The following SEMA4D variants were observed in gnomAD, a reference collection of about 807,000 sequenced individuals.
SEMA4D encodes the protein semaphorin 4D.
In SEMA4D, 22 loss-of-function variants were observed where a neutral mutation model predicts 74.8. The ratio of observed to expected loss-of-function variants is 0.29; its 90% CI spans 0.21 to 0.42. SEMA4D has a LOEUF of 0.42. SEMA4D is among the 10% of genes least tolerant of loss of function. The pLI, the probability that SEMA4D is intolerant of heterozygous loss-of-function variation, is 1.00. For synonymous variants in SEMA4D, 445 were observed against 463.7 expected (o/e 0.96, Z 0.52); for missense variants, 937 against 1,118.4 (o/e 0.84, Z 2.31).
chr9:89,398,792 T>C (rs1319127907), intron 5 of SEMA4D, among the ~76,000 whole-genome samples: 2 of 152,200 alleles, frequency 1.3e-5, no homozygotes, highest in East Asian at 1.9e-4. Flanking sequence ...TGCTCACTCA[T>C]GTGCTCCCTC....
At chr9:89,485,889 C>T (rs4405007) in intron 1 of SEMA4D, among the ~76,000 whole-genome samples, 38,593 of 151,232 alleles carry the variant, frequency 0.26, 5,097 homozygotes, top group Middle Eastern at 0.36. Flanking sequence ...TATAGAGCAT[C>T]GAATCACAAC....
At position 89,387,655 on chromosome 9, in the gene SEMA4D, G is replaced by A. The variant is rs188940458; in HGVS notation, c.1108-47C>T. 1.2e-4 allele frequency: 181 copies of A among 1,559,726 alleles called. 1 individual carries two copies. In the African/African-American group the frequency reaches 1.8e-3, roughly 16 times the overall value. ...TGTTAACGTGCTCGTGTCCCACCAC[G>A]CAACGGGTGCTTCCACACAAGCAGC... On this transcript the variant is annotated intron_variant, in intron 11 of 15. Coordinates refer to ENST00000422704, the MANE Select transcript of SEMA4D (RefSeq NM_001371194.2).
chr9:89,497,746 C>T (rs1378577429), intron 1 of SEMA4D, among the ~76,000 whole-genome samples, 173 bp downstream of exon 1: 3 of 151,070 alleles, frequency 2.0e-5, no homozygotes, highest in Admixed American at 2.0e-4. Context: ...GGAAGGAGTC[C>T]AGGGGTCCGG....
intron 2 of SEMA4D, among the ~76,000 whole-genome samples, chr9:89,444,108 A>G (rs1424843409): frequency 6.6e-6 from 1 of 152,184 alleles, no homozygotes; most frequent in Non-Finnish European, 1.5e-5. Context: ...CCTGCTTTAC[A>G]TTTATTGTCC....
intron 1 of SEMA4D, among the ~76,000 whole-genome samples, chr9:89,464,858 G>A (rs1378856029): frequency 4.6e-5 from 7 of 152,334 alleles, no homozygotes; most frequent in Non-Finnish European, 8.8e-5. Flanking sequence ...CACCCCCAGG[G>A]CGAGGGTCCT....
rs138165023 is a variant in SEMA4D, at chr9:89,364,231, C to T, written c.1883-281G>A. 809 of 535,408 alleles carry T rather than the reference C, an allele frequency of 1.5e-3. 4 individuals carry two copies. The highest frequency in any genetic ancestry group is 0.014 in the African/African-American group (735 of 52,566). The allele number at this position is 535,408 out of a possible 1,614,324, so 33.2% of individuals were successfully genotyped here. A position where few individuals can be genotyped will look rare whatever the true frequency, so the allele number is the denominator to read the frequency against. On this transcript the variant is annotated intron_variant, in intron 16 of 18. Coordinates refer to the SEMA4D transcript ENST00000339861. ...GTGTCCCCTAGGACCCCCTTTCTTG[C>T]AGCGCTGTGCTGGTTTCTTACAGAA...
intron 2 of SEMA4D, among the ~76,000 whole-genome samples, chr9:89,435,963 G>GC (rs546803340): frequency 1.7e-3 from 255 of 152,354 alleles, no homozygotes; most frequent in African/African-American, 5.8e-3. Context: ...AGCAGGGATA[G>GC]CCTAGGCCAA....
chr9:89,392,452 C>T lies in SEMA4D; in HGVS notation c.593G>A (p.Arg198Lys), dbSNP rs1840069350. 3 of 1,613,608 alleles carry T rather than the reference C, an allele frequency of 1.9e-6. No homozygotes were observed. The African/African-American group carries it at 4.0e-5, about 22-fold the overall frequency. The change falls in exon 8 of 16, where the codon AGG becomes AAG. Residue 198 changes from arginine (R) to lysine (K), a missense_variant. Coordinates refer to ENST00000422704, the MANE Select transcript of SEMA4D (RefSeq NM_001371194.2). ...CAGCCAAGGGATTGCATATTCTGTC[C>T]TCAGAGGACTGTGGGAAGAATTTCG... ...ISRNSSHSPL[R>K]TEYAIPWLNE... is the part of the protein sequence containing the mutation.
At chr9:89,423,432 C>T (rs1231349881) in intron 2 of SEMA4D, among the ~76,000 whole-genome samples, 1 of 152,108 alleles carries the variant, frequency 6.6e-6, no homozygotes, top group Non-Finnish European at 1.5e-5. Context: ...CTCGGTGATC[C>T]GTCCACCTCG....
At chr9:89,477,074 C>G (rs1390114236) in intron 1 of SEMA4D, among the ~76,000 whole-genome samples, 1 of 152,152 alleles carries the variant, frequency 6.6e-6, no homozygotes, top group Non-Finnish European at 1.5e-5. Flanking sequence ...AAAAATACAA[C>G]TAAGACTTCC....
chr9:89,386,740 C>T, intron 12 of SEMA4D: 1 of 386,002 alleles, frequency 2.6e-6, no homozygotes, highest in Non-Finnish European at 4.8e-6. Context: ...CCCCAAGAAT[C>T]CTCACCAACA....
intron 2 of SEMA4D, among the ~76,000 whole-genome samples, chr9:89,425,443 G>GTTC (rs1847896494): frequency 6.6e-6 from 1 of 152,240 alleles, no homozygotes; most frequent in South Asian, 2.1e-4. Context: ...GTTCTACTGG[G>GTTC]TTCTGCGAGG....
intron 2 of SEMA4D, among the ~76,000 whole-genome samples, chr9:89,448,709 G>A (rs1587971725): frequency 6.6e-6 from 1 of 152,350 alleles, no homozygotes; most frequent in South Asian, 2.1e-4. Flanking sequence ...TTCACTGGCG[G>A]GCATGACAGC....
chr9:89,437,790 G>T (rs1383163538), intron 2 of SEMA4D, among the ~76,000 whole-genome samples: 1 of 152,246 alleles, frequency 6.6e-6, no homozygotes, highest in Non-Finnish European at 1.5e-5. Flanking sequence ...GAACAAGACA[G>T]GGACACTGTA....
In SEMA4D at chr9:89,378,230, T is replaced by A. The variant is rs1836177438; in HGVS notation, c.*474A>T. 6.5e-6 allele frequency: 1 copy of A among 154,352 alleles called. No homozygotes were observed. Among genetic ancestry groups the A allele is most frequent in the African/African-American group, 2.4e-5 (1 of 41,332 alleles). The allele number at this position is 154,352 out of a possible 1,614,324, so 9.6% of individuals were successfully genotyped here. ...CAATCAAAGCAAAATCCTAAAAAAA[T>A]AATTAAGTGGAAGAAAAGGTTCGTG... On this transcript the variant is annotated 3_prime_UTR_variant, in exon 16 of 16. Coordinates refer to ENST00000422704, the MANE Select transcript of SEMA4D (RefSeq NM_001371194.2).
At position 89,397,545 on chromosome 9, in the gene SEMA4D, G is replaced by A. The variant is rs115904051; in HGVS notation, c.316-710C>T. 7.4e-3 allele frequency among the ~76,000 whole-genome samples: 1,134 copies of A among 152,282 alleles called. 15 individuals are homozygous for A. The highest frequency in any genetic ancestry group is 0.025 in the African/African-American group (1,038 of 41,544). On this transcript the variant is annotated intron_variant, in intron 5 of 15. Coordinates refer to ENST00000422704, the MANE Select transcript of SEMA4D (RefSeq NM_001371194.2). ...ACCATTTCAGAACCCACTATTTTAG[G>A]CTAAAAGTACTTGCGTTACATGTGC...
intron 16 of SEMA4D, among the ~76,000 whole-genome samples, chr9:89,370,982 G>A (rs556307551): frequency 1.0e-4 from 14 of 135,566 alleles, no homozygotes; most frequent in Non-Finnish European, 1.8e-4. Flanking sequence ...TATCTGGGGT[G>A]AGCTGTGTCA....
chr9:89,379,092 C>T lies in SEMA4D; in HGVS notation c.2201G>A (p.Arg734His), dbSNP rs374118848. 15 of 1,613,930 alleles carry T rather than the reference C, an allele frequency of 9.3e-6. No homozygotes were observed. The highest frequency in any genetic ancestry group is 8.0e-5 in the African/African-American group (6 of 74,904). ...GAAGAGGAAGAGGGACATGAGGAGGCGGTTGTCGCTGGACTTAAGATACAT... is the reference window on the plus strand; with the variant it reads ...GAAGAGGAAGAGGGACATGAGGAGGTGGTTGTCGCTGGACTTAAGATACAT... ...KTMYLKSSDN[R>H]LLMSLFLFFF... The change falls in exon 16 of 16, where the codon CGC becomes CAC. Residue 734 changes from arginine (R) to histidine (H), a missense_variant. Transcript: ENST00000422704.
At chr9:89,461,143 T>G (rs547195739) in intron 1 of SEMA4D, among the ~76,000 whole-genome samples, 1 of 151,868 alleles carries the variant, frequency 6.6e-6, no homozygotes, top group Admixed American at 6.5e-5. Context: ...AAATGCAGAT[T>G]AAAGCAAGAT....
Sources: allele counts gnomAD v4.1 joint callset (sites outside exome capture counted in the v4.1 genomes callset), GRCh38; gene constraint gnomAD v4.1.1; transcripts MANE v1.5; gene names NCBI Gene and HGNC (gene_info 2026-07-23, HGNC 2026-07-21).